The following MAGEA4 variants were observed in gnomAD, a reference collection of about 807,000 sequenced individuals.
MAGEA4 encodes the protein melanoma-associated antigen 4.
Under a neutral mutation model 13.7 loss-of-function variants are expected in MAGEA4, and 1 was observed. That is an observed-to-expected ratio of 0.07 (90% CI 0.03 to 0.35). The LOEUF is 0.35. Among genes scored for constraint, MAGEA4 ranks in the 10% least tolerant of loss-of-function variants. The pLI, the probability that MAGEA4 is intolerant of heterozygous loss-of-function variation, is 0.99. For missense variants in MAGEA4, 312 were observed against 245.1 expected (o/e 1.27, Z -1.82); for synonymous variants, 132 against 101.1 (o/e 1.31, Z -1.83).
In MAGEA4 at chrX:151,924,454, G is replaced by A. The variant is rs148549437; in HGVS notation, c.790G>A (p.Gly264Ser). Residue 264 changes from glycine (G) to serine (S), a missense_variant, in exon 3 of 3, where the codon GGC (glycine) becomes AGC (serine). Coordinates refer to ENST00000276344, the MANE Select transcript of MAGEA4 (RefSeq NM_001011548.1). ...ENYLEYRQVP[G>S]SNPARYEFLW... is the part of the protein sequence containing the mutation. ...CTACCTGGAGTACCGGCAGGTACCCGGCAGTAATCCTGCGCGCTATGAGTT... is the reference window on the plus strand; with the variant it reads ...CTACCTGGAGTACCGGCAGGTACCCAGCAGTAATCCTGCGCGCTATGAGTT... 3.4e-4 allele frequency: 407 copies of A among 1,210,121 alleles called. No individual in the cohort carries two copies. The African/African-American group carries it at 5.8e-3, about 17-fold the overall frequency.
At chrX:151,917,769 C>G in intron 1 of MAGEA4, 1 of 260,493 alleles carries the variant, frequency 3.8e-6, no homozygotes, top group Non-Finnish European at 5.3e-6. Context: ...CCGTGGGCCA[C>G]CTGTGGGCGG....
At chrX:151,913,672 G>A (rs1400641064) in intron 1 of MAGEA4, 2 of 711,343 alleles carry the variant, frequency 2.8e-6, no homozygotes, top group African/African-American at 4.7e-5. Context: ...GCTACCAGCC[G>A]TGGGCCACCC....
Position 151,923,689 on chromosome X carries a change from C to G in MAGEA4, c.25C>G (p.His9Asp), listed in dbSNP as rs1603077339. 2.5e-6 allele frequency: 3 copies of G among 1,209,355 alleles called. No homozygotes were observed. The African/African-American group carries it at 5.3e-5, about 21-fold the overall frequency. Residue 9 changes from histidine to aspartate, a missense_variant, in exon 3 of 3, where the codon CAC becomes GAC. His to Asp is a moderately conservative substitution (Grantham distance 81). Coordinates refer to ENST00000276344, the MANE Select transcript of MAGEA4 (RefSeq NM_001011548.1). The stretch of plus-strand genomic sequence containing the variant: ...CATGTCTTCTGAGCAGAAGAGTCAG[C>G]ACTGCAAGCCTGAGGAAGGCGTTGA... MSSEQKSQHCKPEEGVEAQ... is the reference protein window; with the variant it reads MSSEQKSQDCKPEEGVEAQ...
At chrX:151,919,697 C>T (rs1398147899) in intron 1 of MAGEA4, 14 of 751,449 alleles carry the variant, frequency 1.9e-5, no homozygotes, top group South Asian at 6.9e-5. Flanking sequence ...TGGAGGGAAG[C>T]GGGCCAGGCC....
intron 1 of MAGEA4, among the ~76,000 whole-genome samples, chrX:151,920,069 C>A (rs1474943070): frequency 9.5e-6 from 1 of 105,145 alleles, no homozygotes; most frequent in African/African-American, 3.5e-5. Flanking sequence ...CCCCAAACCC[C>A]CACTACCCTT....
chrX:151,924,557 T>C lies in MAGEA4; in HGVS notation c.893T>C (p.Val298Ala). Reference protein sequence around the residue: ...LEHVVRVNARVRIAYPSLREA... With the variant: ...LEHVVRVNARARIAYPSLREA... ...CATGTGGTCAGGGTCAATGCAAGAG[T>C]TCGCATTGCCTACCCATCCCTGCGT... The change falls in exon 3 of 3, where the codon GTT (valine) becomes GCT (alanine). Residue 298 changes from valine (V) to alanine (A), a missense_variant. Coordinates refer to ENST00000276344, the MANE Select transcript of MAGEA4 (RefSeq NM_001011548.1). The C allele has an allele frequency of 8.3e-7, 1 of 1,204,699 alleles. No homozygotes were observed. Among genetic ancestry groups the C allele is most frequent in the Non-Finnish European group, 1.1e-6 (1 of 892,198 alleles).
At chrX:151,919,069 C>T in intron 1 of MAGEA4, 1 of 748,063 alleles carries the variant, frequency 1.3e-6, no homozygotes, top group Non-Finnish European at 1.6e-6. Context: ...CAGGAGGCCC[C>T]CACCCCAGAT....
intron 1 of MAGEA4, among the ~76,000 whole-genome samples, chrX:151,921,307 CG>C (rs1569448551): frequency 8.9e-6 from 1 of 112,216 alleles, no homozygotes; most frequent in Non-Finnish European, 1.9e-5. Flanking sequence ...CAGTTGAGAT[CG>C]GCTGAGGGGA....
At chrX:151,919,845 C>T (rs1933327737) in intron 1 of MAGEA4, 2 of 554,733 alleles carry the variant, frequency 3.6e-6, no homozygotes, top group Non-Finnish European at 4.4e-6. Flanking sequence ...CTGGGGCGCC[C>T]ACCACCCCAC....
In MAGEA4 at chrX:151,924,886, C is replaced by G. The variant is rs778266553; in HGVS notation, c.*268C>G. 3.3e-6 allele frequency: 1 copy of G among 299,815 alleles called. No individual in the cohort carries two copies. The highest frequency in any genetic ancestry group is 1.1e-4 in the South Asian group (1 of 8,819). 24.7% of individuals were successfully genotyped at this position (299,815 alleles called of 1,213,427 possible). The stretch of plus-strand genomic sequence containing the variant: ...ATCCAAGTTTATGAATCGTAGTTAA[C>G]GTATATTGCTGTTAATATAGTTTAG... On this transcript the variant is annotated 3_prime_UTR_variant, in exon 3 of 3. Transcript: ENST00000276344.
At chrX:151,923,571 G>A in intron 2 of MAGEA4, 29 bp from the exon 3 acceptor site, 2 of 1,209,917 alleles carry the variant, frequency 1.7e-6, no homozygotes, top group Non-Finnish European at 2.2e-6. Context: ...TCTCAGCTGA[G>A]GTCTCTCACA....
upstream of MAGEA4, chrX:151,912,565 G>C (rs1200803356): frequency 8.5e-6 from 3 of 353,653 alleles, no homozygotes; most frequent in African/African-American, 2.7e-5. Flanking sequence ...TGTGCCAGGC[G>C]TCAAAGTCAG....
At position 151,919,054 on chromosome X, in the gene MAGEA4, G is replaced by A. The variant is rs772806842; in HGVS notation, c.-137-4399G>A. ...GGAGTCAAGGTGAGACGCTGAGGGA[G>A]GACTCAGGAGGCCCCCACCCCAGAT... On this transcript the variant is annotated intron_variant, in intron 1 of 2. Transcript: ENST00000276344. 6 of 746,595 alleles carry A rather than the reference G, an allele frequency of 8.0e-6. No individual in the cohort carries two copies. The East Asian group carries it at 9.5e-4, about 118-fold the overall frequency. 61.5% of individuals were successfully genotyped at this position (746,595 alleles called of 1,213,427 possible). A position where few individuals can be genotyped will look rare whatever the true frequency, so the allele number is the denominator to read the frequency against.
rs1217243500 is a variant in MAGEA4, at chrX:151,925,096, A to G, written c.*478A>G. On this transcript the variant is annotated 3_prime_UTR_variant, in exon 3 of 3. Coordinates refer to ENST00000276344, the MANE Select transcript of MAGEA4 (RefSeq NM_001011548.1). ...CTATTCTGTAAAATTTAAAAAATAT[A>G]TATGCATACCTGGATTTCCTTGGCT... is the stretch of plus-strand genomic sequence containing the variant. 8.2e-6 allele frequency: 1 copy of G among 121,976 alleles called. No homozygotes were observed. The highest frequency in any genetic ancestry group is 1.8e-5 in the Non-Finnish European group (1 of 54,759). The allele number at this position is 121,976 out of a possible 1,213,427, so 10.1% of individuals were successfully genotyped here.
intron 1 of MAGEA4, among the ~76,000 whole-genome samples, chrX:151,921,695 T>C (rs1275969667): frequency 8.9e-6 from 1 of 111,897 alleles, no homozygotes; most frequent in Non-Finnish European, 1.9e-5. Flanking sequence ...GACCTGGGAA[T>C]GGTCAGGCAC....
rs1194545816 is a variant in MAGEA4, at chrX:151,924,891, A to T, written c.*273A>T. 1.4e-5 allele frequency: 4 copies of T among 290,300 alleles called. No homozygotes were observed. The highest frequency in any genetic ancestry group is 1.9e-5 in the Non-Finnish European group (3 of 160,203). 23.9% of individuals were successfully genotyped at this position (290,300 alleles called of 1,213,427 possible). A position where few individuals can be genotyped will look rare whatever the true frequency, so the allele number is the denominator to read the frequency against. On this transcript the variant is annotated 3_prime_UTR_variant, in exon 3 of 3. Transcript: ENST00000276344. The stretch of plus-strand genomic sequence containing the variant: ...AGTTTATGAATCGTAGTTAACGTAT[A>T]TTGCTGTTAATATAGTTTAGGAGTA...
intron 1 of MAGEA4, among the ~76,000 whole-genome samples, chrX:151,922,632 G>A (rs919618604): frequency 4.7e-4 from 53 of 112,008 alleles, no homozygotes; most frequent in African/African-American, 1.7e-3. Context: ...AAGAGTCCTG[G>A]TGAGGAATGT....
At chrX:151,914,183 G>A (rs1216560537) in intron 1 of MAGEA4, 1 of 11,483 alleles carries the variant, frequency 8.7e-5, no homozygotes, top group Non-Finnish European at 1.7e-4. Context: ...CCACTGACTT[G>A]CGCATTGGGG....
chrX:151,919,001 G>T lies in MAGEA4; in HGVS notation c.-137-4452G>T, dbSNP rs1174971430. ...CTCTGTGACCAGCCGCTTGGGATTG[G>T]TGGAGGGAAGCGGGCCAGGCCCTGT... On this transcript the variant is annotated intron_variant, in intron 1 of 2. Transcript: ENST00000276344. 6.7e-6 allele frequency: 5 copies of T among 749,664 alleles called. No homozygotes were observed. In the South Asian group the frequency reaches 3.5e-4, roughly 52 times the overall value. The allele number at this position is 749,664 out of a possible 1,213,427, so 61.8% of individuals were successfully genotyped here. A position where few individuals can be genotyped will look rare whatever the true frequency, so the allele number is the denominator to read the frequency against.
Sources: allele counts gnomAD v4.1 joint callset (sites outside exome capture counted in the v4.1 genomes callset), GRCh38; gene constraint gnomAD v4.1.1; transcripts MANE v1.5; gene names NCBI Gene and HGNC (gene_info 2026-07-23, HGNC 2026-07-21).